The following ZBTB7C variants were observed in gnomAD, a reference collection of about 807,000 sequenced individuals.
The protein encoded by ZBTB7C is zinc finger and BTB domain containing 7C.
ZBTB7C carries 8 observed loss-of-function variants against 25.7 expected under a neutral mutation model. The ratio of observed to expected loss-of-function variants is 0.31; its 90% CI spans 0.18 to 0.56. ZBTB7C has a LOEUF of 0.56. Among genes scored for constraint, ZBTB7C ranks in the 20% least tolerant of loss-of-function variants. The probability of loss-of-function intolerance (pLI) is 0.91; values close to 1 mark genes in which losing one functional copy is unlikely to be tolerated. For synonymous variants in ZBTB7C, 394 were observed against 369.0 expected, an observed-to-expected ratio of 1.07 and a Z score of -0.78; for missense variants, 824 against 855.2, an observed-to-expected ratio of 0.96 and a Z score of 0.46.
chr18:48,077,037 G>T, intron 3 of ZBTB7C: 3 of 695,414 alleles, frequency 4.3e-6, no homozygotes, highest in Non-Finnish European at 5.1e-6. Context: ...AGAATAGAAA[G>T]AAATGCACAA....
At chr18:48,080,438 A>G (rs180867343) in intron 3 of ZBTB7C, among the ~76,000 whole-genome samples, 3 of 152,340 alleles carry the variant, frequency 2.0e-5, no homozygotes, top group East Asian at 3.9e-4. Context: ...GGCGAAGCTA[A>G]GAGAGCCACA....
chr18:48,318,020 T>A (rs1455671271), intron 2 of ZBTB7C, among the ~76,000 whole-genome samples: 4 of 151,878 alleles, frequency 2.6e-5, no homozygotes, highest in African/African-American at 9.7e-5. Context: ...CTGAGGCGCA[T>A]GCGCACTAGC....
intron 3 of ZBTB7C, among the ~76,000 whole-genome samples, chr18:48,167,597 T>TGTGTGTGTGTGTGCGC (rs779870966): frequency 7.4e-5 from 11 of 148,158 alleles, no homozygotes; most frequent in African/African-American, 2.5e-4. Flanking sequence ...TGTGTGTGTG[T>TGTGTGTGTGTGTGCGC]GCGCGCGTGC....
intron 3 of ZBTB7C, among the ~76,000 whole-genome samples, chr18:48,151,049 A>G (rs1360960023): frequency 1.3e-5 from 2 of 152,158 alleles, no homozygotes; most frequent in Non-Finnish European, 2.9e-5. Flanking sequence ...CATGCTGCCG[A>G]TATGGAAGAA....
intron 3 of ZBTB7C, among the ~76,000 whole-genome samples, chr18:48,085,138 G>A (rs2038145817): frequency 6.6e-6 from 1 of 152,126 alleles, no homozygotes; most frequent in African/African-American, 2.4e-5. Flanking sequence ...GTCCTCTGCT[G>A]GGCTTTACGG....
chr18:48,160,408 C>T (rs149993209), intron 3 of ZBTB7C, among the ~76,000 whole-genome samples: 2 of 152,168 alleles, frequency 1.3e-5, no homozygotes, highest in African/African-American at 2.4e-5. Context: ...ACAGCAGGCA[C>T]GCTGGGATGA....
At chr18:48,144,525 TG>T (rs1334497624) in intron 3 of ZBTB7C, among the ~76,000 whole-genome samples, 1 of 151,992 alleles carries the variant, frequency 6.6e-6, no homozygotes, top group Non-Finnish European at 1.5e-5. Context: ...TGTATTTTTT[TG>T]GTAGAGACAG....
At chr18:48,227,705 A>G (rs1017699009) in intron 2 of ZBTB7C, among the ~76,000 whole-genome samples, 1 of 152,196 alleles carries the variant, frequency 6.6e-6, no homozygotes, top group African/African-American at 2.4e-5. Flanking sequence ...CTGCCTTACC[A>G]CAAAAATTTT....
chr18:48,382,230 A>T (rs558920221), intron 1 of ZBTB7C, among the ~76,000 whole-genome samples: 23 of 152,234 alleles, frequency 1.5e-4, no homozygotes, highest in Non-Finnish European at 3.2e-4. Flanking sequence ...TATGGCTATA[A>T]GCACAAAAAT....
At chr18:48,223,435 T>C (rs1245454657) in intron 2 of ZBTB7C, among the ~76,000 whole-genome samples, 1 of 152,162 alleles carries the variant, frequency 6.6e-6, no homozygotes, top group Non-Finnish European at 1.5e-5. Context: ...AGACCACACA[T>C]GTTTAACAGA....
intron 1 of ZBTB7C, among the ~76,000 whole-genome samples, chr18:48,396,854 A>G (rs1437196388): frequency 6.6e-6 from 1 of 152,238 alleles, no homozygotes; most frequent in African/African-American, 2.4e-5. Context: ...TGGCTCTCAT[A>G]GAAGTTGAAA....
Position 48,029,514 on chromosome 18 carries a change from C to A in ZBTB7C, c.1606G>T (p.Ala536Ser). 6.3e-7 allele frequency: 1 copy of A among 1,583,944 alleles called. No individual in the cohort carries two copies. ...AGGCTCAGGGCGCCCTTGGGCGCTG[C>A]CAGGAAGTGCTTGGCGGGGCTGGGG... ...PGPSPAKHFLAAPKGALSLQE... is the reference protein window; with the variant it reads ...PGPSPAKHFLSAPKGALSLQE... The change falls in exon 5 of 5, where the codon GCA becomes TCA. Residue 536 changes from alanine to serine, a missense_variant. By Grantham distance (99) the Ala-to-Ser change is moderately conservative (BLOSUM62 1). Around this residue, in one of 4 missense-constraint regions of ZBTB7C, gnomAD observed 342 missense variants for 307.0 expected, o/e 1.11. Coordinates refer to ENST00000590800, the MANE Select transcript of ZBTB7C (RefSeq NM_001318841.2).
chr18:48,147,309 C>T (rs2040524182), intron 3 of ZBTB7C, among the ~76,000 whole-genome samples: 1 of 152,278 alleles, frequency 6.6e-6, no homozygotes, highest in East Asian at 1.9e-4. Flanking sequence ...AACTCCTGAC[C>T]TGAAGTGATC....
intron 1 of ZBTB7C, among the ~76,000 whole-genome samples, chr18:48,408,046 C>G (rs979756081): frequency 3.9e-5 from 6 of 152,218 alleles, no homozygotes; most frequent in African/African-American, 9.6e-5. Context: ...CCTTCCCACT[C>G]CCACTCCTCT....
chr18:48,031,942 T>A (rs921704209), intron 4 of ZBTB7C, among the ~76,000 whole-genome samples: 1 of 152,082 alleles, frequency 6.6e-6, no homozygotes, highest in African/African-American at 2.4e-5. Context: ...GAGGGATATG[T>A]CTTGGGCCTC....
intron 2 of ZBTB7C, among the ~76,000 whole-genome samples, chr18:48,275,056 G>C (rs1208452433): frequency 2.0e-5 from 3 of 152,132 alleles, no homozygotes; most frequent in Admixed American, 6.6e-5. Flanking sequence ...CTAATTATAC[G>C]AAGTACTTAT....
chr18:48,090,279 C>T (rs557708966), intron 3 of ZBTB7C, among the ~76,000 whole-genome samples: 10 of 152,262 alleles, frequency 6.6e-5, no homozygotes, highest in East Asian at 3.9e-4. Context: ...ACACGGGTGG[C>T]GTGTGTGTGG....
chr18:48,036,137 A>G (rs1488724219), intron 4 of ZBTB7C, among the ~76,000 whole-genome samples: 1 of 152,256 alleles, frequency 6.6e-6, no homozygotes, highest in East Asian at 1.9e-4. Context: ...TTTGGAACAG[A>G]TCAGTGGTGG....
At chr18:48,158,331 T>G (rs1245186302) in intron 3 of ZBTB7C, among the ~76,000 whole-genome samples, 2 of 152,186 alleles carry the variant, frequency 1.3e-5, no homozygotes, top group Non-Finnish European at 2.9e-5. Context: ...CCTCGCAGGC[T>G]ACAGGATGAC....
Sources: gnomAD v4.1 joint callset for allele counts (sites outside exome capture counted in the v4.1 genomes callset) on GRCh38, gnomAD v4.1.1 for gene constraint, gnomAD v4.1.1 regional missense constraint, MANE v1.5 for transcripts, NCBI Gene and HGNC (gene_info 2026-07-23, HGNC 2026-07-21) for gene names.